Variants in ACACB observed in about 807,000 individuals in gnomAD.
ACACB encodes acetyl-CoA carboxylase 2.
In ACACB, 209 loss-of-function variants were observed where a neutral mutation model predicts 278.8. The ratio of observed to expected loss-of-function variants is 0.75; its 90% CI spans 0.67 to 0.84. The LOEUF is 0.84. Among genes scored for constraint, ACACB ranks in the 40% least tolerant of loss-of-function variants. The pLI is 0.00. For missense variants in ACACB, 2,850 were observed against 3,269.0 expected, an observed-to-expected ratio of 0.87 and a Z score of 3.13; for synonymous variants, 1,174 against 1,285.6, an observed-to-expected ratio of 0.91 and a Z score of 1.86.
intron 16 of ACACB, among the ~76,000 whole-genome samples, chr12:109,195,876 A>G (rs1203826603): frequency 6.6e-6 from 1 of 152,196 alleles, no homozygotes; most frequent in Non-Finnish European, 1.5e-5. Context: ...TGACTGAGGA[A>G]CTGAATTTTA....
At chr12:109,176,353 A>G (rs1309266877) in intron 9 of ACACB, 90 bp downstream of exon 9, 6 of 1,187,774 alleles carry the variant, frequency 5.1e-6, no homozygotes, top group African/African-American at 3.0e-5. Flanking sequence ...ATTCTGTGAC[A>G]GTCAAGAAGA....
rs138576413 is a variant in ACACB at position 109,197,493 on chromosome 12, G to A, written c.2627+340G>A. Among the ~76,000 whole-genome samples, 81 of 152,256 alleles carry A rather than the reference G, an allele frequency of 5.3e-4. 1 individual carries two copies. In the East Asian group the frequency reaches 0.014, roughly 27 times the overall value. On this transcript the variant is annotated intron_variant, in intron 17 of 52. Coordinates refer to ENST00000338432, the MANE Select transcript of ACACB (RefSeq NM_001093.4). ...GCTCTGGCATCCACCCAGTTAGTGC[G>A]GCAGTGACCTACTAAGCTCCTCCGT... is the stretch of plus-strand genomic sequence containing the variant.
chr12:109,257,523 C>T (rs559759867), intron 45 of ACACB, among the ~76,000 whole-genome samples: 88 of 152,178 alleles, frequency 5.8e-4, no homozygotes, highest in African/African-American at 2.1e-3. Context: ...AACTTGATGT[C>T]TAGACCAGTG....
chr12:109,189,967 C>T (rs917291571), intron 13 of ACACB, among the ~76,000 whole-genome samples: 4 of 152,002 alleles, frequency 2.6e-5, no homozygotes, highest in African/African-American at 9.7e-5. Context: ...TGAAATTAGC[C>T]GGGCATCCTG....
chr12:109,224,532 T>TTTA (rs34249818), intron 27 of ACACB, among the ~76,000 whole-genome samples: 21,265 of 149,910 alleles, frequency 0.14, 1,518 homozygotes, highest in Middle Eastern at 0.22. Context: ...AATCTGCTCT[T>TTTA]TTATTATTAT....
At chr12:109,217,143 A>G (rs1034896935) in intron 24 of ACACB, among the ~76,000 whole-genome samples, 13 of 152,132 alleles carry the variant, frequency 8.5e-5, no homozygotes, top group Non-Finnish European at 1.6e-4. Flanking sequence ...TTAGCTGGCC[A>G]TGGTGGTGCA....
At chr12:109,148,046 C>A (rs973050984) in intron 2 of ACACB, among the ~76,000 whole-genome samples, 1 of 152,194 alleles carries the variant, frequency 6.6e-6, no homozygotes, top group Non-Finnish European at 1.5e-5. Flanking sequence ...TTTCTCCCAG[C>A]TGGCAAGGGC....
intron 21 of ACACB, among the ~76,000 whole-genome samples, chr12:109,210,293 G>A (rs111205031): frequency 0.068 from 4,086 of 59,888 alleles, 1,067 homozygotes; most frequent in African/African-American, 0.24. Flanking sequence ...ATATCTGTGT[G>A]TATATGTATA....
chr12:109,174,331 T>C lies in ACACB; in HGVS notation c.1216+101T>C, dbSNP rs931142392. On this transcript the variant is annotated intron_variant, in intron 7 of 52. Coordinates refer to ENST00000338432, the MANE Select transcript of ACACB (RefSeq NM_001093.4). The stretch of plus-strand genomic sequence containing the variant: ...AGTATGCTTGTAACAATTCTTTCCA[T>C]TACAAATGTTACTTACTTTTATTTT... 7.2e-6 allele frequency: 6 copies of C among 835,736 alleles called. No homozygotes were observed. The Admixed American group carries it at 1.8e-4, about 26-fold the overall frequency. The allele number at this position is 835,736 out of a possible 1,614,324, so 51.8% of individuals were successfully genotyped here.
At chr12:109,168,419 T>C (rs2043993372) in intron 4 of ACACB, among the ~76,000 whole-genome samples, 1 of 152,216 alleles carries the variant, frequency 6.6e-6, no homozygotes, top group Non-Finnish European at 1.5e-5. Context: ...ATTTACTTTT[T>C]TCCTGAACAG....
chr12:109,194,953 A>G (rs4766548), intron 16 of ACACB, among the ~76,000 whole-genome samples: 79,760 of 151,002 alleles, frequency 0.53, 21,353 homozygotes, highest in Middle Eastern at 0.68. Context: ...GATTACTGGC[A>G]TCTTCCCTGG....
At chr12:109,228,003 C>T (rs568761013) in intron 28 of ACACB, among the ~76,000 whole-genome samples, 86 of 147,588 alleles carry the variant, frequency 5.8e-4, no homozygotes, top group African/African-American at 1.9e-3. Flanking sequence ...CACTGCACTC[C>T]AGCCTGGGCG....
At chr12:109,215,591 G>A (rs1418230044) in intron 22 of ACACB, among the ~76,000 whole-genome samples, 2 of 151,954 alleles carry the variant, frequency 1.3e-5, no homozygotes, top group Non-Finnish European at 2.9e-5. Flanking sequence ...GTGAAACCCC[G>A]TCTCTACTAA....
intron 2 of ACACB, among the ~76,000 whole-genome samples, chr12:109,153,663 A>G (rs766145041): frequency 1.2e-4 from 18 of 151,988 alleles, no homozygotes; most frequent in Non-Finnish European, 2.1e-4. Flanking sequence ...GCATTCATTC[A>G]TTTATTTTTG....
intron 13 of ACACB, among the ~76,000 whole-genome samples, chr12:109,190,481 G>T (rs150564301): frequency 2.0e-5 from 3 of 152,360 alleles, no homozygotes; most frequent in East Asian, 1.9e-4. Flanking sequence ...CCTGAGCCGG[G>T]TGACAGTGCC....
chr12:109,113,734 G>A (rs750431575), upstream of ACACB, among the ~76,000 whole-genome samples: 9 of 152,180 alleles, frequency 5.9e-5, no homozygotes, highest in East Asian at 1.9e-4. Flanking sequence ...ACTTTTTGGC[G>A]TATGCGTGTG....
chr12:109,192,295 G>T (rs535072777), intron 15 of ACACB, among the ~76,000 whole-genome samples: 50 of 152,310 alleles, frequency 3.3e-4, no homozygotes, highest in African/African-American at 1.2e-3. Context: ...CTCTACAAGC[G>T]GGTGCATTCC....
intron 27 of ACACB, among the ~76,000 whole-genome samples, chr12:109,225,055 C>T (rs2046276748): frequency 1.3e-5 from 2 of 152,318 alleles, no homozygotes; most frequent in South Asian, 4.1e-4. Flanking sequence ...GGGCCTGCAA[C>T]TTTTATTCCT....
intron 1 of ACACB, among the ~76,000 whole-genome samples, chr12:109,127,346 T>C (rs1295535551): frequency 6.6e-6 from 1 of 152,004 alleles, no homozygotes; most frequent in Non-Finnish European, 1.5e-5. Context: ...ATTGGTATTA[T>C]TAATTATTAG....
Sources: allele counts gnomAD v4.1 joint callset (sites outside exome capture counted in the v4.1 genomes callset), GRCh38; gene constraint gnomAD v4.1.1; transcripts MANE v1.5; gene names NCBI Gene and HGNC (gene_info 2026-07-23, HGNC 2026-07-21).